The following SVIL variants were observed in gnomAD, a reference collection of about 807,000 sequenced individuals.
SVIL encodes supervillin, also known as archvillin.
Under a neutral mutation model 240.4 loss-of-function variants are expected in SVIL, and 101 were observed. The observed-to-expected ratio is 0.42, with a 90% confidence interval of 0.36 to 0.50. SVIL has a LOEUF of 0.50. Among genes scored for constraint, SVIL ranks in the 20% least tolerant of loss-of-function variants. SVIL has a pLI of 0.01. For synonymous variants in SVIL, 999 were observed against 1,100.0 expected (o/e 0.91, Z 1.82); for missense variants, 2,512 against 2,818.7 (o/e 0.89, Z 2.46).
intron 17 of SVIL, among the ~76,000 whole-genome samples, chr10:29,506,747 T>TA (rs775869619): frequency 5.0e-4 from 68 of 135,922 alleles, no homozygotes; most frequent in Middle Eastern, 8.7e-3. Flanking sequence ...ACAGAGGCCC[T>TA]AGAGGGAGGG....
At chr10:29,600,767 A>T (rs1250427109) in intron 1 of SVIL, among the ~76,000 whole-genome samples, 1 of 152,206 alleles carries the variant, frequency 6.6e-6, no homozygotes, top group Non-Finnish European at 1.5e-5. Flanking sequence ...ACATTCAAAC[A>T]AATCCTGTGA....
At chr10:29,724,313 GA>G (rs991332137) in intron 1 of SVIL, among the ~76,000 whole-genome samples, 24 of 130,884 alleles carry the variant, frequency 1.8e-4, no homozygotes, top group Middle Eastern at 4.3e-3. Flanking sequence ...CAAGTGTATA[GA>G]AAAAAAAAAG....
upstream of SVIL, chr10:29,635,080 T>G (rs767337043): frequency 6.6e-6 from 1 of 152,216 alleles, no homozygotes; most frequent in Non-Finnish European, 1.5e-5. Context: ...CATCAGCTGT[T>G]GCAGCAGGCC....
chr10:29,722,461 G>A (rs1272732307), intron 1 of SVIL, among the ~76,000 whole-genome samples: 1 of 151,942 alleles, frequency 6.6e-6, no homozygotes, highest in East Asian at 1.9e-4. Flanking sequence ...AGAAAACATG[G>A]CAATATTATA....
chr10:29,682,638 GGAA>G (rs1197327672), intron 2 of SVIL, among the ~76,000 whole-genome samples: 1 of 152,198 alleles, frequency 6.6e-6, no homozygotes, highest in Non-Finnish European at 1.5e-5. Flanking sequence ...GCATTTAGAA[GGAA>G]GAAGGAGAAA....
rs1318380167 is a variant in SVIL, at chr10:29,735,563, G to T, written c.-400+188C>A. Among the ~76,000 whole-genome samples, 2 of 150,588 alleles carry T rather than the reference G, an allele frequency of 1.3e-5. No individual in the cohort carries two copies. The highest frequency in any genetic ancestry group is 4.9e-5 in the African/African-American group (2 of 41,140). Reference sequence around the variant, plus strand: ...GCAGCGCCCCGTCGCAGCGGCCCGGGCACCCGCCGGCCTCCACCCCCGGGA... The same window carrying T: ...GCAGCGCCCCGTCGCAGCGGCCCGGTCACCCGCCGGCCTCCACCCCCGGGA... On this transcript the variant is annotated intron_variant, in intron 1 of 35. Transcript: ENST00000375400. This position sits in a 1 kb window ranked among gnomAD's most constrained non-coding sequence, Gnocchi z 4.1.
chr10:29,481,639 C>T lies in SVIL; in HGVS notation c.5045G>A (p.Trp1682Ter). ...TILFKEKFLD[W>*]TELKRSNEKN... is the part of the protein sequence containing the mutation. ...CTCATTCGATCTCTTCAGTTCCGTCCAATCCAGAAACTTCTCTTTGAACAA... is the reference window on the plus strand; with the variant it reads ...CTCATTCGATCTCTTCAGTTCCGTCTAATCCAGAAACTTCTCTTTGAACAA... The change falls in exon 28 of 38, where the codon TGG (tryptophan) becomes TAG (stop). Residue 1682 changes from tryptophan to a stop codon, truncating the protein, a stop_gained. Transcript: ENST00000355867. LOFTEE classifies it high-confidence loss of function. 6.2e-7 allele frequency: 1 copy of T among 1,613,850 alleles called. No homozygotes were observed. Among genetic ancestry groups the T allele is most frequent in the Non-Finnish European group, 8.5e-7 (1 of 1,179,900 alleles).
intron 1 of SVIL, among the ~76,000 whole-genome samples, chr10:29,583,202 G>A (rs1020634172): frequency 3.3e-5 from 5 of 152,178 alleles, no homozygotes; most frequent in Admixed American, 2.0e-4. Context: ...TCTTAATAAA[G>A]TAACAACAAT....
rs150689651 is a variant in SVIL, at chr10:29,488,411, A to G, written c.4348+190T>C. ...CTCTGGAAGCCCTGGTGGGCAGAAT[A>G]CTTCCTATGTCATGGGATTTGGGGA... On this transcript the variant is annotated intron_variant, in intron 23 of 37. Coordinates refer to ENST00000355867, the MANE Select transcript of SVIL (RefSeq NM_021738.3). Among the ~76,000 whole-genome samples, 821 of 152,164 alleles carry G rather than the reference A, an allele frequency of 5.4e-3. 8 individuals are homozygous for G. The highest frequency in any genetic ancestry group is 0.019 in the African/African-American group (793 of 41,514).
At chr10:29,480,037 G>A (rs1946656113) in intron 29 of SVIL, among the ~76,000 whole-genome samples, 1 of 152,114 alleles carries the variant, frequency 6.6e-6, no homozygotes, top group African/African-American at 2.4e-5. Flanking sequence ...GACCCACAAA[G>A]CACCACCCGT....
intron 1 of SVIL, among the ~76,000 whole-genome samples, chr10:29,606,292 G>T (rs536640584): frequency 1.3e-5 from 2 of 152,040 alleles, no homozygotes; most frequent in Admixed American, 6.6e-5. Flanking sequence ...CAGTCCTCCC[G>T]CCTCAGCCTC....
Position 29,487,216 on chromosome 10 carries a change from G to A in SVIL, c.4432C>T (p.His1478Tyr). The change falls in exon 24 of 38, where the codon CAC becomes TAC. Residue 1478 changes from histidine to tyrosine, a missense_variant. Coordinates refer to ENST00000355867, the MANE Select transcript of SVIL (RefSeq NM_021738.3). ...SGDCFLLLSP[H>Y]CCFLWVGEFA... ...TCTCCTACCCACAGGAAGCAGCAGT[G>A]GGGAGAGAGCAGGAGGAAGCAGTCC... The A allele has an allele frequency of 6.2e-7, 1 of 1,614,094 alleles. No individual in the cohort carries two copies. Among genetic ancestry groups the A allele is most frequent in the Non-Finnish European group, 8.5e-7 (1 of 1,179,998 alleles).
Position 29,550,626 on chromosome 10 carries a change from G to A in SVIL, c.798C>T (p.Asp266=). Residue 266 remains aspartate, a synonymous_variant, in exon 6 of 38, where the codon GAC becomes GAT. Transcript: ENST00000355867. ...GTCGGGCCTCAGGGGATAGCTGTGG[G>A]TCACCAAAGGAGGGGCTCCGGGAGG... ...QAASRSPSFG[D]PQLSPEARPS... 3 of 1,612,972 alleles carry A rather than the reference G, an allele frequency of 1.9e-6. No individual in the cohort carries two copies. The highest frequency in any genetic ancestry group is 1.1e-5 in the South Asian group (1 of 90,954).
At position 29,729,283 on chromosome 10, in the gene SVIL, C is replaced by T. The variant is rs112805494; in HGVS notation, c.-400+6468G>A. On this transcript the variant is annotated intron_variant, in intron 1 of 35. Coordinates refer to the SVIL transcript ENST00000375400. Reference sequence around the variant, plus strand: ...AAAGAGGAAACAGGCTAACTTTGACCGCCCACCTATATCTGACATCCATCA... The same window carrying T: ...AAAGAGGAAACAGGCTAACTTTGACTGCCCACCTATATCTGACATCCATCA... Among the ~76,000 whole-genome samples the T allele has an allele frequency of 1.0e-2, 1,516 of 152,162 alleles. 11 individuals are homozygous for T. Among genetic ancestry groups the T allele is most frequent in the Non-Finnish European group, 0.016 (1,089 of 67,996 alleles).
chr10:29,474,023 CA>C (rs1331364382), intron 29 of SVIL, 34 bp from the exon 30 acceptor site: 1 of 1,604,548 alleles, frequency 6.2e-7, no homozygotes, highest in African/African-American at 1.3e-5. Flanking sequence ...GACAGGTCAG[CA>C]GCTGAGACAC....
intron 1 of SVIL, among the ~76,000 whole-genome samples, chr10:29,720,912 T>A (rs112016570): frequency 0.021 from 3,241 of 152,262 alleles, 95 homozygotes; most frequent in East Asian, 0.077. Flanking sequence ...AGTGGTGTGA[T>A]CTCGTCTCAC....
chr10:29,510,735 C>T (rs1223058287), intron 17 of SVIL, among the ~76,000 whole-genome samples: 15 of 150,582 alleles, frequency 1.0e-4, no homozygotes, highest in East Asian at 3.9e-4. Context: ...TCAGACACCC[C>T]GCAAGCAGTG....
chr10:29,472,137 T>C (rs537675635), intron 30 of SVIL, among the ~76,000 whole-genome samples: 1 of 152,204 alleles, frequency 6.6e-6, no homozygotes, highest in South Asian at 2.1e-4. Context: ...AAAAATAAAA[T>C]GATTTTCCAT....
At chr10:29,709,173 T>C (rs954535149) in intron 1 of SVIL, among the ~76,000 whole-genome samples, 1 of 152,210 alleles carries the variant, frequency 6.6e-6, no homozygotes, top group Non-Finnish European at 1.5e-5. Context: ...TCCAAAATGC[T>C]TGAGACCAGA....
Sources: allele counts gnomAD v4.1 joint callset (sites outside exome capture counted in the v4.1 genomes callset), GRCh38; gene constraint gnomAD v4.1.1; non-coding constraint Gnocchi (gnomAD v3.1); transcripts MANE v1.5; gene names NCBI Gene and HGNC (gene_info 2026-07-23, HGNC 2026-07-21).